Variants in CORO1C observed in about 807,000 individuals in gnomAD.
CORO1C encodes the protein coronin-1C.
CORO1C carries 14 observed loss-of-function variants against 51.2 expected under a neutral mutation model. That is an observed-to-expected ratio of 0.27 (90% CI 0.18 to 0.43). The LOEUF is 0.43. Ranked by LOEUF, CORO1C falls within the 20% of genes least tolerant of loss-of-function variation. The pLI is 1.00. For synonymous variants in CORO1C, 181 were observed against 210.5 expected (o/e 0.86, Z 1.21); for missense variants, 417 against 607.8 (o/e 0.69, Z 3.30).
intron 1 of CORO1C, among the ~76,000 whole-genome samples, chr12:108,723,751 TG>T (rs527496589): frequency 1.3e-5 from 2 of 152,392 alleles, no homozygotes; most frequent in South Asian, 4.1e-4. Flanking sequence ...GTTTTCATTA[TG>T]TCTGTTACAA....
At chr12:108,715,724 C>G (rs887371720) in intron 1 of CORO1C, among the ~76,000 whole-genome samples, 4 of 147,110 alleles carry the variant, frequency 2.7e-5, no homozygotes, top group Non-Finnish European at 3.0e-5. Context: ...AAGCTTAATT[C>G]TGTGTCTCTC....
intron 1 of CORO1C, among the ~76,000 whole-genome samples, chr12:108,715,424 C>T (rs1166549466): frequency 6.6e-6 from 1 of 152,152 alleles, no homozygotes; most frequent in African/African-American, 2.4e-5. Flanking sequence ...TCATCTCTAG[C>T]TCTTCAATGA....
chr12:108,685,083 TG>T (rs377694610), intron 2 of CORO1C, among the ~76,000 whole-genome samples: 60 of 152,322 alleles, frequency 3.9e-4, no homozygotes, highest in African/African-American at 1.4e-3. Flanking sequence ...AAAGCAATTT[TG>T]AGGGGAATCT....
rs181907276 is a variant in CORO1C, at chr12:108,677,610, T to C, written c.318+662A>G. Among the ~76,000 whole-genome samples the C allele has an allele frequency of 3.7e-4, 57 of 152,340 alleles. No individual in the cohort carries two copies. In the East Asian group the frequency reaches 0.01, roughly 28 times the overall value. On this transcript the variant is annotated intron_variant, in intron 3 of 10. Transcript: ENST00000261401. ...ACAGTCTGTGCCAGCAGTTTCAGTT[T>C]TTTCTCTCCTTTTGGGGCGAGGGGA...
intron 3 of CORO1C, among the ~76,000 whole-genome samples, chr12:108,663,656 T>C (rs2033361991): frequency 6.6e-6 from 1 of 152,138 alleles, no homozygotes; most frequent in Non-Finnish European, 1.5e-5. Flanking sequence ...GAAAGTAGAA[T>C]AGTGGTTGCT....
intron 4 of CORO1C, 87 bp from the exon 5 acceptor site, chr12:108,659,006 C>A: frequency 7.4e-7 from 1 of 1,353,228 alleles, no homozygotes; most frequent in South Asian, 1.4e-5. Context: ...TGAGAATACA[C>A]ATATGTATAT....
intron 3 of CORO1C, among the ~76,000 whole-genome samples, chr12:108,676,205 T>C (rs996447286): frequency 2.6e-5 from 4 of 152,206 alleles, no homozygotes; most frequent in African/African-American, 9.6e-5. Flanking sequence ...AGGAGGGATG[T>C]TGTGACTGGG....
At chr12:108,700,253 T>A (rs966044570) in intron 2 of CORO1C, among the ~76,000 whole-genome samples, 7 of 152,264 alleles carry the variant, frequency 4.6e-5, no homozygotes, top group African/African-American at 1.7e-4. Context: ...TCACTGGAGC[T>A]CAGGACTCAC....
chr12:108,666,237 A>C (rs1463170737), intron 3 of CORO1C, among the ~76,000 whole-genome samples: 5 of 152,260 alleles, frequency 3.3e-5, no homozygotes, highest in Non-Finnish European at 5.9e-5. Flanking sequence ...CAATGCCATA[A>C]AGAAGCTGGC....
intron 3 of CORO1C, among the ~76,000 whole-genome samples, chr12:108,665,674 T>C (rs143573451): frequency 2.0e-5 from 3 of 152,326 alleles, no homozygotes; most frequent in Non-Finnish European, 4.4e-5. Context: ...TTAGTACCTA[T>C]GCCTGCGAGG....
At chr12:108,727,448 AG>A (rs2035619743) in intron 1 of CORO1C, among the ~76,000 whole-genome samples, 1 of 152,210 alleles carries the variant, frequency 6.6e-6, no homozygotes, top group Non-Finnish European at 1.5e-5. Context: ...AGACATTGGA[AG>A]GGGAATAGTG....
At chr12:108,713,075 C>T (rs2035228057) in intron 1 of CORO1C, among the ~76,000 whole-genome samples, 1 of 151,894 alleles carries the variant, frequency 6.6e-6, no homozygotes, top group Admixed American at 6.6e-5. Flanking sequence ...ATACATGAGA[C>T]ATTCCAAGAA....
At chr12:108,691,417 T>C (rs2034490867) in intron 2 of CORO1C, among the ~76,000 whole-genome samples, 2 of 152,216 alleles carry the variant, frequency 1.3e-5, no homozygotes, top group South Asian at 2.1e-4. Context: ...TTCAGAGTAA[T>C]GTGTGTTCAG....
chr12:108,655,048 T>C (rs1332439737), intron 6 of CORO1C, among the ~76,000 whole-genome samples: 1 of 151,442 alleles, frequency 6.6e-6, no homozygotes, highest in African/African-American at 2.4e-5. Flanking sequence ...AAAATATGTG[T>C]GCTTTTAAAA....
intron 2 of CORO1C, among the ~76,000 whole-genome samples, chr12:108,689,793 T>C (rs987353477): frequency 1.3e-5 from 2 of 152,232 alleles, no homozygotes; most frequent in South Asian, 2.1e-4. Flanking sequence ...AAAATCACTT[T>C]ATGTGCCCAA....
At chr12:108,647,619 T>G in intron 10 of CORO1C, 97 bp from the exon 11 acceptor site, 1 of 854,206 alleles carries the variant, frequency 1.2e-6, no homozygotes, top group Non-Finnish European at 1.8e-6. Context: ...TTTTCTATTT[T>G]GCAAACGGCA....
rs147952217 is a variant in CORO1C at position 108,688,725 on chromosome 12, G to A, written c.196-10331C>T. On this transcript the variant is annotated intron_variant, in intron 2 of 10. Transcript: ENST00000261401. The stretch of plus-strand genomic sequence containing the variant: ...AGTTCAAGACCAGCCTGGCCAACAC[G>A]GTGAAACTTCATCTCTACTAAAAAT... 9.5e-3 allele frequency among the ~76,000 whole-genome samples: 1,440 copies of A among 151,276 alleles called. 11 individuals are homozygous for A. Among genetic ancestry groups the A allele is most frequent in the Non-Finnish European group, 0.014 (961 of 67,824 alleles).
intron 7 of CORO1C, among the ~76,000 whole-genome samples, chr12:108,652,828 G>C (rs995539801): frequency 4.5e-4 from 15 of 33,210 alleles, no homozygotes; most frequent in Non-Finnish European, 7.2e-4. Flanking sequence ...TCATTTACTG[G>C]CATAACGCAA....
At chr12:108,668,131 T>A (rs1199093859) in intron 3 of CORO1C, among the ~76,000 whole-genome samples, 1 of 151,984 alleles carries the variant, frequency 6.6e-6, no homozygotes, top group South Asian at 2.1e-4. Context: ...ATGAAGAAAA[T>A]ACATGAGACA....
Sources: allele counts gnomAD v4.1 joint callset (sites outside exome capture counted in the v4.1 genomes callset), GRCh38; gene constraint gnomAD v4.1.1; transcripts MANE v1.5; gene names NCBI Gene and HGNC (gene_info 2026-07-23, HGNC 2026-07-21).